PPM1D: variants seen among roughly 807,000 people sequenced by gnomAD.
PPM1D encodes protein phosphatase 1D.
A neutral mutation model predicts 58.3 loss-of-function variants in PPM1D; 52 were observed. That is an observed-to-expected ratio of 0.89 (90% CI 0.71 to 1.12). The LOEUF is 1.12. PPM1D is among the 50% of genes most tolerant of loss of function. PPM1D has a pLI of 0.00. For synonymous variants in PPM1D, 278 were observed against 285.1 expected, an observed-to-expected ratio of 0.98 and a Z score of 0.25; for missense variants, 564 against 777.2, an observed-to-expected ratio of 0.73 and a Z score of 3.26.
intron 1 of PPM1D, among the ~76,000 whole-genome samples, chr17:60,614,581 G>A (rs1394325111): frequency 2.6e-5 from 4 of 152,052 alleles, no homozygotes; most frequent in African/African-American, 9.7e-5. Flanking sequence ...AACACGGTGG[G>A]GTGGCTTCCA....
chr17:60,640,784 A>G (rs149169185), intron 3 of PPM1D, among the ~76,000 whole-genome samples: 1 of 152,104 alleles, frequency 6.6e-6, no homozygotes, highest in African/African-American at 2.4e-5. Flanking sequence ...AAGTGAGAAC[A>G]TGTGGTATTT....
intron 3 of PPM1D, among the ~76,000 whole-genome samples, chr17:60,637,159 G>A (rs542181998): frequency 5.9e-5 from 9 of 151,940 alleles, no homozygotes; most frequent in Non-Finnish European, 1.3e-4. Context: ...GTAAAGACCT[G>A]TGAGTGTCTG....
rs755553942 is a variant in PPM1D at position 60,666,016 on chromosome 17, C to T, written c.*2464C>T. 1.3e-5 allele frequency: 2 copies of T among 152,188 alleles called. No individual in the cohort carries two copies. Among genetic ancestry groups the T allele is most frequent in the Non-Finnish European group, 2.9e-5 (2 of 68,030 alleles). The allele number at this position is 152,188 out of a possible 1,614,324, so 9.4% of individuals were successfully genotyped here. ...ACCAAGTCAACTACAACGTGGGAGA[C>T]TCCTACACAAGGCATGAATTCTAGG... On this transcript the variant is annotated 3_prime_UTR_variant, in exon 6 of 6. Coordinates refer to ENST00000305921, the MANE Select transcript of PPM1D (RefSeq NM_003620.4).
At chr17:60,603,893 T>C (rs2030275380) in intron 1 of PPM1D, among the ~76,000 whole-genome samples, 1 of 152,264 alleles carries the variant, frequency 6.6e-6, no homozygotes. Context: ...AAATATTTTA[T>C]TAGTCTTTTC....
At chr17:60,659,641 G>A (rs2031494857) in intron 5 of PPM1D, among the ~76,000 whole-genome samples, 1 of 152,224 alleles carries the variant, frequency 6.6e-6, no homozygotes, top group African/African-American at 2.4e-5. Flanking sequence ...GGATTACAGG[G>A]TAGATGGGAG....
At chr17:60,601,478 T>G (rs1220206154) in intron 1 of PPM1D, among the ~76,000 whole-genome samples, 2 of 152,202 alleles carry the variant, frequency 1.3e-5, no homozygotes, top group Non-Finnish European at 2.9e-5. Context: ...TGAGATGTTT[T>G]TAGGATCATA....
At chr17:60,632,112 T>G (rs2030934052) in intron 2 of PPM1D, among the ~76,000 whole-genome samples, 1 of 151,852 alleles carries the variant, frequency 6.6e-6, no homozygotes, top group African/African-American at 2.4e-5. Context: ...GAGAATGGCA[T>G]GAACCCGGGA....
At chr17:60,612,994 TG>T (rs1175628346) in intron 1 of PPM1D, among the ~76,000 whole-genome samples, 4 of 152,202 alleles carry the variant, frequency 2.6e-5, no homozygotes, top group Non-Finnish European at 5.9e-5. Context: ...ATTGTTGAGG[TG>T]CTCCAAAGTC....
intron 3 of PPM1D, among the ~76,000 whole-genome samples, chr17:60,646,133 A>G (rs1377547988): frequency 6.6e-6 from 1 of 152,112 alleles, no homozygotes; most frequent in African/African-American, 2.4e-5. Flanking sequence ...TATTTCGTCA[A>G]CCAGGGAGCT....
At chr17:60,649,382 A>G (rs1399815847) in intron 4 of PPM1D, among the ~76,000 whole-genome samples, 1 of 152,136 alleles carries the variant, frequency 6.6e-6, no homozygotes, top group Non-Finnish European at 1.5e-5. Flanking sequence ...AATTGATTGA[A>G]TTTTTGTTAA....
intron 3 of PPM1D, among the ~76,000 whole-genome samples, chr17:60,643,989 A>G (rs958837191): frequency 2.2e-4 from 33 of 148,336 alleles, no homozygotes; most frequent in South Asian, 8.6e-4. Context: ...GGGTCAAGCA[A>G]TTCTTCTGCC....
intron 4 of PPM1D, among the ~76,000 whole-genome samples, chr17:60,648,567 T>G (rs1468470286): frequency 3.3e-5 from 5 of 151,822 alleles, no homozygotes; most frequent in Admixed American, 6.6e-5. Flanking sequence ...GTATTTTTAG[T>G]AGAGGTGGGG....
chr17:60,651,129 A>G (rs1249932266), intron 4 of PPM1D, among the ~76,000 whole-genome samples: 2 of 152,172 alleles, frequency 1.3e-5, no homozygotes, highest in Non-Finnish European at 2.9e-5. Context: ...GGAAAAATAT[A>G]CAGGTAAGAT....
chr17:60,626,521 A>C (rs2030812506), intron 2 of PPM1D, among the ~76,000 whole-genome samples: 1 of 150,674 alleles, frequency 6.6e-6, no homozygotes, highest in Non-Finnish European at 1.5e-5. Context: ...GAGCCTCTCT[A>C]GTAGCTGGGA....
At chr17:60,615,131 T>A (rs2030555806) in intron 1 of PPM1D, among the ~76,000 whole-genome samples, 1 of 152,144 alleles carries the variant, frequency 6.6e-6, no homozygotes, top group African/African-American at 2.4e-5. Flanking sequence ...GTGTGGTGGC[T>A]CACACCTCTA....
chr17:60,618,048 T>C (rs964311992), intron 1 of PPM1D, among the ~76,000 whole-genome samples: 7 of 152,254 alleles, frequency 4.6e-5, no homozygotes, highest in African/African-American at 1.7e-4. Context: ...ATGCTCTATG[T>C]GTTCTTTTAT....
At chr17:60,602,950 C>T (rs1489318648) in intron 1 of PPM1D, among the ~76,000 whole-genome samples, 1 of 152,158 alleles carries the variant, frequency 6.6e-6, no homozygotes, top group South Asian at 2.1e-4. Flanking sequence ...CATATTCAGC[C>T]TCTCCAGTAA....
chr17:60,620,877 TG>T (rs1403234890), intron 1 of PPM1D, among the ~76,000 whole-genome samples: 4 of 152,272 alleles, frequency 2.6e-5, no homozygotes, highest in South Asian at 2.1e-4. Context: ...TTTTTCCTTA[TG>T]TTTTTTTTCT....
At position 60,656,745 on chromosome 17, in the gene PPM1D, A is replaced by G; in HGVS notation, c.1164A>G (p.Glu388=). Reference sequence around the variant, plus strand: ...ACAATCAGGGAAACTTTACCAATGAAGATGAGTTATACCTGAACCTGACTG... The same window carrying G: ...ACAATCAGGGAAACTTTACCAATGAGGATGAGTTATACCTGAACCTGACTG... ...EVDNQGNFTN[E]DELYLNLTDS... Residue 388 remains glutamate, a synonymous_variant, in exon 5 of 6, where the codon GAA becomes GAG. Transcript: ENST00000305921. 1 of 1,614,252 alleles carries G rather than the reference A, an allele frequency of 6.2e-7. No individual in the cohort carries two copies. The highest frequency in any genetic ancestry group is 1.1e-5 in the South Asian group (1 of 91,092).
Sources: allele counts gnomAD v4.1 joint callset (sites outside exome capture counted in the v4.1 genomes callset), GRCh38; gene constraint gnomAD v4.1.1; transcripts MANE v1.5; gene names NCBI Gene and HGNC (gene_info 2026-07-23, HGNC 2026-07-21).